Variants in DNAH9 observed in about 807,000 individuals in gnomAD.
DNAH9 encodes the protein DNAH9 variant protein.
Under a neutral mutation model 471.6 loss-of-function variants are expected in DNAH9, and 345 were observed. The ratio of observed to expected loss-of-function variants is 0.73; its 90% CI spans 0.67 to 0.80. DNAH9 has a LOEUF of 0.80. Ranked by LOEUF, DNAH9 falls within the 30% of genes least tolerant of loss-of-function variation. The pLI is 0.00. For synonymous variants in DNAH9, 2,093 were observed against 2,123.6 expected, an observed-to-expected ratio of 0.99 and a Z score of 0.40; for missense variants, 5,407 against 5,609.2, an observed-to-expected ratio of 0.96 and a Z score of 1.15.
At chr17:11,755,097 G>A (rs893457830) in intron 33 of DNAH9, among the ~76,000 whole-genome samples, 25 of 152,158 alleles carry the variant, frequency 1.6e-4, no homozygotes, top group Non-Finnish European at 3.5e-4. Context: ...CCAAATGCTT[G>A]TTTTTGTCAG....
chr17:11,859,943 C>G (rs914207398), intron 50 of DNAH9, among the ~76,000 whole-genome samples: 1 of 152,146 alleles, frequency 6.6e-6, no homozygotes, highest in African/African-American at 2.4e-5. Flanking sequence ...AACCATAGCA[C>G]AAGATGACAC....
chr17:11,822,685 T>C, intron 47 of DNAH9, 86 bp downstream of exon 47: 5 of 1,593,488 alleles, frequency 3.1e-6, no homozygotes, highest in Non-Finnish European at 4.3e-6. Flanking sequence ...GGGTTAAAGA[T>C]CAAGCTTGAA....
intron 42 of DNAH9, among the ~76,000 whole-genome samples, chr17:11,793,890 A>G (rs1226741199): frequency 1.3e-5 from 2 of 152,074 alleles, no homozygotes; most frequent in Non-Finnish European, 2.9e-5. Context: ...AGATCATCTG[A>G]TCCAAGTCCC....
intron 68 of DNAH9, among the ~76,000 whole-genome samples, chr17:11,966,242 T>C (rs1328002855): frequency 6.6e-6 from 1 of 152,204 alleles, no homozygotes; most frequent in Non-Finnish European, 1.5e-5. Context: ...AACAAGGGGT[T>C]CTCAATGAGA....
intron 26 of DNAH9, among the ~76,000 whole-genome samples, chr17:11,708,391 C>G (rs551906462): frequency 7.2e-5 from 11 of 152,274 alleles, no homozygotes; most frequent in Non-Finnish European, 1.0e-4. Flanking sequence ...AACAGCTACT[C>G]TGTGTTTTGC....
intron 9 of DNAH9, among the ~76,000 whole-genome samples, chr17:11,639,954 G>A (rs2073238433): frequency 6.6e-6 from 1 of 152,168 alleles, no homozygotes; most frequent in Non-Finnish European, 1.5e-5. Flanking sequence ...AGTGAGCCAC[G>A]ATTGCGCCAC....
chr17:11,852,799 A>T (rs1350475548), intron 49 of DNAH9, among the ~76,000 whole-genome samples: 1 of 82,984 alleles, frequency 1.2e-5, no homozygotes, highest in African/African-American at 4.0e-5. Flanking sequence ...TATATATAAG[A>T]AAGTGTGTGT....
At chr17:11,599,452 T>C (rs75625118) in intron 1 of DNAH9, among the ~76,000 whole-genome samples, 2,720 of 152,212 alleles carry the variant, frequency 0.018, 92 homozygotes, top group African/African-American at 0.063. Context: ...GGTAGTGATT[T>C]GCTTTTGATT....
intron 42 of DNAH9, among the ~76,000 whole-genome samples, chr17:11,797,170 G>A (rs1969274224): frequency 6.6e-6 from 1 of 152,174 alleles, no homozygotes; most frequent in Non-Finnish European, 1.5e-5. Flanking sequence ...GATGTTGGAT[G>A]GCTTTGCTGC....
intron 38 of DNAH9, among the ~76,000 whole-genome samples, chr17:11,778,627 G>A (rs762316058): frequency 1.3e-5 from 2 of 152,072 alleles, no homozygotes; most frequent in Non-Finnish European, 2.9e-5. Context: ...TTGGGAAGAT[G>A]TGTAGTTACC....
intron 67 of DNAH9, among the ~76,000 whole-genome samples, chr17:11,956,991 T>C (rs1033972844): frequency 3.3e-5 from 5 of 151,712 alleles, no homozygotes; most frequent in Non-Finnish European, 5.9e-5. Flanking sequence ...GCTGGTTCTT[T>C]TTAAAAATGA....
At chr17:11,706,415 G>C (rs1014026) in intron 26 of DNAH9, among the ~76,000 whole-genome samples, 152,036 of 152,260 alleles carry the variant, frequency 1, 75,908 homozygotes, top group Middle Eastern at 1. Flanking sequence ...TGCCCTTAAA[G>C]TCCAATTCTA....
intron 61 of DNAH9, among the ~76,000 whole-genome samples, chr17:11,920,155 G>A (rs538614305): frequency 1.3e-5 from 2 of 151,312 alleles, no homozygotes; most frequent in Admixed American, 6.6e-5. Flanking sequence ...TCCTGCCTCA[G>A]CCCCCTGAGT....
chr17:11,924,916 G>A (rs4055146), intron 62 of DNAH9, among the ~76,000 whole-genome samples: 38,219 of 151,986 alleles, frequency 0.25, 5,257 homozygotes, highest in East Asian at 0.47. Flanking sequence ...GAGCCACTGC[G>A]CCCAGCCTAA....
chr17:11,844,567 G>T (rs539484196), intron 49 of DNAH9, among the ~76,000 whole-genome samples: 1 of 151,912 alleles, frequency 6.6e-6, no homozygotes, highest in East Asian at 1.9e-4. Flanking sequence ...CACCATGCCC[G>T]ACTAATTTTT....
At chr17:11,822,123 C>T in intron 46 of DNAH9, 61 bp downstream of exon 46, 1 of 1,553,606 alleles carries the variant, frequency 6.4e-7, no homozygotes, top group South Asian at 1.2e-5. Context: ...GGAGCTTCCA[C>T]TGATATTTCG....
intron 52 of DNAH9, among the ~76,000 whole-genome samples, chr17:11,872,303 T>C (rs1351118663): frequency 6.6e-6 from 1 of 151,908 alleles, no homozygotes; most frequent in African/African-American, 2.4e-5. Context: ...ATTTGGGCAG[T>C]TCAGCTTGTC....
Position 11,644,670 on chromosome 17 carries a change from A to G in DNAH9, c.1941A>G (p.Lys647=). ...ESAEGKRMQQ[K]YEDMLSLLEK... is the part of the protein sequence containing the mutation. ...CAGAAGGAAAGCGAATGCAACAAAA[A>G]TATGAAGATATGCTGTCATTGCTAG... The change falls in exon 11 of 69, where the codon AAA becomes AAG. Residue 647 remains lysine, a synonymous_variant. Transcript: ENST00000262442. The G allele has an allele frequency of 6.2e-7, 1 of 1,613,232 alleles. No individual in the cohort carries two copies. The highest frequency in any genetic ancestry group is 1.1e-5 in the South Asian group (1 of 90,960).
At chr17:11,654,625 CAA>C (rs2150706808) in intron 14 of DNAH9, among the ~76,000 whole-genome samples, 1 of 151,854 alleles carries the variant, frequency 6.6e-6, no homozygotes, top group East Asian at 1.9e-4. Flanking sequence ...ATACTTATCA[CAA>C]GAGTCTCTAA....
Sources: allele counts gnomAD v4.1 joint callset (sites outside exome capture counted in the v4.1 genomes callset), GRCh38; gene constraint gnomAD v4.1.1; transcripts MANE v1.5; gene names NCBI Gene and HGNC (gene_info 2026-07-23, HGNC 2026-07-21).